CCDC146: variants seen among roughly 807,000 people sequenced by gnomAD.
CCDC146 encodes coiled-coil domain-containing protein 146.
CCDC146 carries 92 observed loss-of-function variants against 119.3 expected under a neutral mutation model. The observed-to-expected ratio is 0.77, with a 90% confidence interval of 0.65 to 0.92. CCDC146 has a LOEUF of 0.92. CCDC146 is among the 40% of genes least tolerant of loss of function. The probability of loss-of-function intolerance (pLI) is 0.00; values close to 1 mark genes in which losing one functional copy is unlikely to be tolerated. For missense variants in CCDC146, 1,000 were observed against 1,103.0 expected, an observed-to-expected ratio of 0.91 and a Z score of 1.32; for synonymous variants, 372 against 371.8, an observed-to-expected ratio of 1.00 and a Z score of -0.01.
rs1339364013 is a variant in CCDC146, at chr7:77,237,020, C to A, written c.230C>A (p.Ala77Asp). Reference sequence around the variant, plus strand: ...GCCAAGTATACCTTGCTGCATGACGCCGTGATGAGGTATGCAATTTACCAA... The same window carrying A: ...GCCAAGTATACCTTGCTGCATGACGACGTGATGAGGTATGCAATTTACCAA... ...LKAKYTLLHD[A>D]VMSTQESEVQ... Residue 77 changes from alanine (A) to aspartate (D), a missense_variant, in exon 3 of 19, where the codon GCC becomes GAC. Around this residue, in one of 2 missense-constraint regions of CCDC146, gnomAD observed 985 missense variants for 1,045.3 expected, o/e 0.94. Coordinates refer to ENST00000285871, the MANE Select transcript of CCDC146 (RefSeq NM_020879.3). 3.7e-6 allele frequency: 6 copies of A among 1,613,672 alleles called. No homozygotes were observed. Among genetic ancestry groups the A allele is most frequent in the Non-Finnish European group, 5.1e-6 (6 of 1,179,714 alleles).
Position 77,278,783 on chromosome 7 carries a change from A to G in CCDC146, c.1472A>G (p.Lys491Arg). The change falls in exon 12 of 19, where the codon AAA becomes AGA. Residue 491 changes from lysine (K) to arginine (R), a missense_variant. Lys to Arg is a conservative substitution (Grantham distance 26). Coordinates refer to ENST00000285871, the MANE Select transcript of CCDC146 (RefSeq NM_020879.3). ...QKYTNIVKEM[K>R]AKDLEIRIHK... ...TACACCAACATTGTTAAAGAAATGA[A>G]AGCAAAGGATCTTGAAATCAGGATA... 6.2e-7 allele frequency: 1 copy of G among 1,611,940 alleles called. No individual in the cohort carries two copies. The highest frequency in any genetic ancestry group is 8.5e-7 in the Non-Finnish European group (1 of 1,179,172).
In CCDC146 at chr7:77,280,506, T is replaced by C; in HGVS notation, c.1772T>C (p.Ile591Thr). The change falls in exon 14 of 19, where the codon ATT (isoleucine) becomes ACT (threonine). Residue 591 changes from isoleucine to threonine, a missense_variant. Physicochemically the swap from Ile to Thr is moderately conservative, Grantham distance 89. Coordinates refer to ENST00000285871, the MANE Select transcript of CCDC146 (RefSeq NM_020879.3). ...RESMQNDVRKIVSKLQEMKEK... is the reference protein window; with the variant it reads ...RESMQNDVRKTVSKLQEMKEK... ...AGCATGCAAAACGATGTGCGCAAAA[T>C]TGTATCAAAACTTCAGGAAATGAAA... 5 of 1,614,038 alleles carry C rather than the reference T, an allele frequency of 3.1e-6. No homozygotes were observed. The South Asian group carries it at 4.4e-5, about 14-fold the overall frequency.
intron 2 of CCDC146, among the ~76,000 whole-genome samples, chr7:77,177,739 TAA>T (rs1013202754): frequency 6.6e-6 from 1 of 152,196 alleles, no homozygotes; most frequent in Non-Finnish European, 1.5e-5. Context: ...AAAAAATGAC[TAA>T]GTTTCTTTTA....
At chr7:77,230,898 C>T (rs1326361060) in intron 2 of CCDC146, among the ~76,000 whole-genome samples, 3 of 152,138 alleles carry the variant, frequency 2.0e-5, no homozygotes, top group Non-Finnish European at 4.4e-5. Flanking sequence ...TGCTTTTTCT[C>T]TCTGTTATTC....
At chr7:77,199,862 T>C in intron 2 of CCDC146, 1 of 1,521,892 alleles carries the variant, frequency 6.6e-7, no homozygotes, top group South Asian at 1.3e-5. Context: ...GGCAGCTGCC[T>C]GAGTCAGGCT....
At chr7:77,145,008 AG>A (rs1457048310) in intron 1 of CCDC146, among the ~76,000 whole-genome samples, 1 of 151,614 alleles carries the variant, frequency 6.6e-6, no homozygotes. Context: ...AGCTCCTCCT[AG>A]TACCTCTGGT....
intron 13 of CCDC146, among the ~76,000 whole-genome samples, chr7:77,279,960 GA>G (rs778133290): frequency 4.6e-5 from 7 of 152,092 alleles, no homozygotes; most frequent in Non-Finnish European, 7.4e-5. Context: ...TGGATGAAAA[GA>G]AAAATATGAT....
chr7:77,221,798 AGTGTCAGGCAGTGTT>A (rs1449734092), intron 2 of CCDC146, among the ~76,000 whole-genome samples: 1 of 152,184 alleles, frequency 6.6e-6, no homozygotes, highest in Non-Finnish European at 1.5e-5. Context: ...TGAGAACCTG[AGTGTCAGGCAGTGTT>A]CTAGATGCTC....
intron 1 of CCDC146, among the ~76,000 whole-genome samples, chr7:77,137,485 A>T (rs905593640): frequency 4.8e-5 from 7 of 144,718 alleles, no homozygotes; most frequent in Non-Finnish European, 1.1e-4. Flanking sequence ...ATGTGAAATC[A>T]AAAACAAAAC....
At chr7:77,124,887 A>G (rs1225265020) in intron 1 of CCDC146, among the ~76,000 whole-genome samples, 1 of 152,176 alleles carries the variant, frequency 6.6e-6, no homozygotes, top group Non-Finnish European at 1.5e-5. Context: ...AGAGAAAATA[A>G]TTGCATCAAT....
chr7:77,205,188 G>A (rs1584071085), intron 2 of CCDC146, among the ~76,000 whole-genome samples: 1 of 152,114 alleles, frequency 6.6e-6, no homozygotes, highest in African/African-American at 2.4e-5. Context: ...CATATTCATG[G>A]TAGTTGTTTC....
chr7:77,225,271 G>C (rs1339549216), intron 2 of CCDC146, among the ~76,000 whole-genome samples: 1 of 152,182 alleles, frequency 6.6e-6, no homozygotes, highest in African/African-American at 2.4e-5. Context: ...AGCTGGCCAG[G>C]CATGGTGGCT....
intron 4 of CCDC146, 42 bp downstream of exon 4, chr7:77,241,942 C>G: frequency 6.8e-7 from 1 of 1,477,992 alleles, no homozygotes; most frequent in South Asian, 1.2e-5. Flanking sequence ...AAGTCTTTTC[C>G]TCATAAATAG....
chr7:77,278,074 G>C (rs889035331), intron 11 of CCDC146, among the ~76,000 whole-genome samples: 1 of 152,086 alleles, frequency 6.6e-6, no homozygotes, highest in Non-Finnish European at 1.5e-5. Flanking sequence ...CAAAAGAATG[G>C]AAAGCACTTT....
intron 1 of CCDC146, among the ~76,000 whole-genome samples, chr7:77,127,763 T>C (rs1790710021): frequency 6.6e-6 from 1 of 152,142 alleles, no homozygotes; most frequent in African/African-American, 2.4e-5. Context: ...TTCTTTACTT[T>C]TGGAGCTCTC....
intron 2 of CCDC146, among the ~76,000 whole-genome samples, chr7:77,183,137 C>T (rs3095464): frequency 0.38 from 57,515 of 151,708 alleles, 11,140 homozygotes; most frequent in East Asian, 0.5. Flanking sequence ...TCACAACAGA[C>T]GCCTCTCCCA....
At chr7:77,134,492 G>A (rs1380847383) in intron 1 of CCDC146, among the ~76,000 whole-genome samples, 1 of 151,500 alleles carries the variant, frequency 6.6e-6, no homozygotes, top group Non-Finnish European at 1.5e-5. Flanking sequence ...GTTCAACATT[G>A]TTTTATAGTA....
In CCDC146 at chr7:77,196,756, T is replaced by G. The variant is rs1562829709; in HGVS notation, c.156+28932T>G. On this transcript the variant is annotated intron_variant, in intron 2 of 18. Transcript: ENST00000285871. The surrounding 1 kb of genome is among the most constrained non-coding windows in gnomAD (Gnocchi z 4.2). ...GAATTTTATCGTTCCCCAGCCAAAA[T>G]TCCCTTCTGAGGTTTCCAAAGCCTG... The G allele has an allele frequency of 6.2e-7, 1 of 1,614,194 alleles. No individual in the cohort carries two copies. Among genetic ancestry groups the G allele is most frequent in the Non-Finnish European group, 8.5e-7 (1 of 1,180,014 alleles).
At chr7:77,219,484 T>A (rs1792361936) in intron 2 of CCDC146, among the ~76,000 whole-genome samples, 1 of 152,202 alleles carries the variant, frequency 6.6e-6, no homozygotes, top group African/African-American at 2.4e-5. Context: ...GGATAATCTG[T>A]TATGAAATTA....
Sources: allele counts gnomAD v4.1 joint callset (sites outside exome capture counted in the v4.1 genomes callset), GRCh38; gene constraint gnomAD v4.1.1; regional missense constraint gnomAD v4.1.1; non-coding constraint Gnocchi (gnomAD v3.1); transcripts MANE v1.5; gene names NCBI Gene and HGNC (gene_info 2026-07-23, HGNC 2026-07-21).